The following SAMD8 variants were observed in gnomAD, a reference collection of about 807,000 sequenced individuals.
The protein encoded by SAMD8 is sphingomyelin synthase-related protein 1.
Under a neutral mutation model 42.0 loss-of-function variants are expected in SAMD8, and 20 were observed. The ratio of observed to expected loss-of-function variants is 0.48; its 90% CI spans 0.34 to 0.69. The LOEUF (loss-of-function observed/expected upper bound fraction) is 0.69. Ranked by LOEUF, SAMD8 falls within the 30% of genes least tolerant of loss-of-function variation. The pLI is 0.01. For missense variants in SAMD8, 328 were observed against 511.6 expected, an observed-to-expected ratio of 0.64 and a Z score of 3.46; for synonymous variants, 162 against 173.0, an observed-to-expected ratio of 0.94 and a Z score of 0.50.
At chr10:75,165,977 CAAAAAA>C (rs56839743) in intron 3 of SAMD8, among the ~76,000 whole-genome samples, 1 of 62,532 alleles carries the variant, frequency 1.6e-5, no homozygotes, top group East Asian at 4.1e-4. Context: ...ACCCTGTCTC[CAAAAAA>C]AAAAAAAAAA....
At chr10:75,115,515 A>G (rs1410191449) in intron 1 of SAMD8, among the ~76,000 whole-genome samples, 2 of 152,192 alleles carry the variant, frequency 1.3e-5, no homozygotes, top group Non-Finnish European at 2.9e-5. Context: ...TGTGATGTGA[A>G]TATTCCTGAA....
At chr10:75,158,241 C>T (rs977292197) in intron 2 of SAMD8, among the ~76,000 whole-genome samples, 3 of 151,442 alleles carry the variant, frequency 2.0e-5, no homozygotes, top group African/African-American at 7.3e-5. Context: ...AATAAAAAAA[C>T]AAAGCATAGT....
At chr10:75,126,681 T>G (rs925005730) in intron 1 of SAMD8, among the ~76,000 whole-genome samples, 10 of 151,408 alleles carry the variant, frequency 6.6e-5, no homozygotes, top group Non-Finnish European at 1.2e-4. Context: ...TTTTTTTTTT[T>G]GTAGGGATGA....
intron 1 of SAMD8, among the ~76,000 whole-genome samples, chr10:75,130,199 T>TA (rs897179442): frequency 3.7e-4 from 56 of 150,800 alleles, no homozygotes; most frequent in Middle Eastern, 3.4e-3. Context: ...TATGAATGCT[T>TA]AAAAAAAAAC....
At chr10:75,162,029 C>T (rs1224209707) in intron 2 of SAMD8, among the ~76,000 whole-genome samples, 2 of 152,054 alleles carry the variant, frequency 1.3e-5, no homozygotes, top group Non-Finnish European at 2.9e-5. Context: ...CAGAGCAACA[C>T]TCCGTCTCAA....
At chr10:75,166,044 C>T (rs1325574850) in intron 3 of SAMD8, among the ~76,000 whole-genome samples, 1 of 148,922 alleles carries the variant, frequency 6.7e-6, no homozygotes, top group Non-Finnish European at 1.5e-5. Context: ...GTGTGGTTTA[C>T]TTCAGATGGT....
In SAMD8 at chr10:75,148,531, T is replaced by C. The variant is rs192796003; in HGVS notation, c.-15-1983T>C. ...GCCATGCCCGGCTAATTTTTTGTAT[T>C]TTTAGTAGAGATGGGGTTTCACCTT... On this transcript the variant is annotated intron_variant, in intron 1 of 5. Transcript: ENST00000542569. 1.3e-4 allele frequency among the ~76,000 whole-genome samples: 20 copies of C among 152,082 alleles called. No homozygotes were observed. The East Asian group carries it at 3.7e-3, about 28-fold the overall frequency.
At chr10:75,138,566 G>A (rs1564682728) in intron 1 of SAMD8, among the ~76,000 whole-genome samples, 2 of 152,152 alleles carry the variant, frequency 1.3e-5, no homozygotes, top group African/African-American at 4.8e-5. Context: ...CCAAATGTAA[G>A]GTTGTTATGT....
intron 1 of SAMD8, among the ~76,000 whole-genome samples, chr10:75,149,160 T>C (rs941068822): frequency 3.9e-5 from 6 of 152,200 alleles, no homozygotes; most frequent in African/African-American, 7.2e-5. Flanking sequence ...GCTTTAATAG[T>C]TGAGAAAGTA....
chr10:75,165,977 CAAAAAAAA>C (rs56839743), intron 3 of SAMD8, among the ~76,000 whole-genome samples: 3 of 62,532 alleles, frequency 4.8e-5, no homozygotes, highest in Admixed American at 1.7e-4. Context: ...ACCCTGTCTC[CAAAAAAAA>C]AAAAAAAAAA....
upstream of SAMD8, chr10:75,109,089 C>G (rs745956252): frequency 3.7e-6 from 6 of 1,612,392 alleles, no homozygotes; most frequent in South Asian, 6.6e-5. Flanking sequence ...GCTCCTCCAG[C>G]TCCAGGATGC....
At chr10:75,158,275 A>G (rs1178744981) in intron 2 of SAMD8, among the ~76,000 whole-genome samples, 3 of 152,128 alleles carry the variant, frequency 2.0e-5, no homozygotes, top group Non-Finnish European at 2.9e-5. Context: ...ATGGTCCAGC[A>G]GAACAATGAG....
upstream of SAMD8, among the ~76,000 whole-genome samples, chr10:75,109,761 G>A (rs980255856): frequency 6.6e-6 from 1 of 152,092 alleles, no homozygotes; most frequent in Non-Finnish European, 1.5e-5. Flanking sequence ...AAGAGACATG[G>A]AGAGCTTCCT....
intron 2 of SAMD8, among the ~76,000 whole-genome samples, chr10:75,152,421 C>T (rs1293066656): frequency 6.8e-6 from 1 of 147,562 alleles, no homozygotes; most frequent in East Asian, 2.0e-4. Flanking sequence ...ACTTGGGAGG[C>T]TGAGGCAGGA....
At chr10:75,142,626 G>A (rs570128526) in intron 1 of SAMD8, among the ~76,000 whole-genome samples, 10 of 151,986 alleles carry the variant, frequency 6.6e-5, no homozygotes, top group Non-Finnish European at 1.3e-4. Flanking sequence ...TAGTAGAGAC[G>A]GGGTTTCACC....
chr10:75,132,696 AT>A (rs60240692), intron 1 of SAMD8, among the ~76,000 whole-genome samples: 83,605 of 150,442 alleles, frequency 0.56, 24,878 homozygotes, highest in East Asian at 0.9. Context: ...CCAAAGGCAG[AT>A]TTTTTTTTTT....
chr10:75,126,820 T>C (rs1253743803), intron 1 of SAMD8, among the ~76,000 whole-genome samples: 8 of 151,994 alleles, frequency 5.3e-5, no homozygotes, highest in Non-Finnish European at 1.2e-4. Flanking sequence ...CTCAGTGCCT[T>C]AGTGTCTGGC....
chr10:75,129,138 AT>A (rs144016245), intron 1 of SAMD8, among the ~76,000 whole-genome samples: 97 of 145,984 alleles, frequency 6.6e-4, no homozygotes, highest in Middle Eastern at 3.5e-3. Context: ...TCTTCTTCTT[AT>A]TTTTTTTTTT....
intron 3 of SAMD8, among the ~76,000 whole-genome samples, chr10:75,165,274 C>G (rs1023934528): frequency 6.6e-6 from 1 of 152,002 alleles, no homozygotes; most frequent in Non-Finnish European, 1.5e-5. Context: ...TAGAAACAAA[C>G]TGGAAAAGTT....
Sources: allele counts gnomAD v4.1 joint callset (sites outside exome capture counted in the v4.1 genomes callset), GRCh38; gene constraint gnomAD v4.1.1; transcripts MANE v1.5; gene names NCBI Gene and HGNC (gene_info 2026-07-23, HGNC 2026-07-21).